The following PLCH1 variants were observed in gnomAD, a reference collection of about 807,000 sequenced individuals.
PLCH1 encodes 1-phosphatidylinositol 4,5-bisphosphate phosphodiesterase eta-1.
In PLCH1, 60 loss-of-function variants were observed where a neutral mutation model predicts 126.7. The observed-to-expected ratio is 0.47, with a 90% CI of 0.38 to 0.59. The LOEUF (loss-of-function observed/expected upper bound fraction) is 0.59. Among genes scored for constraint, PLCH1 ranks in the 20% least tolerant of loss-of-function variants. The pLI, the probability that PLCH1 is intolerant of heterozygous loss-of-function variation, is 0.00. For missense variants in PLCH1, 1,723 were observed against 2,040.0 expected, an observed-to-expected ratio of 0.84 and a Z score of 2.99; for synonymous variants, 719 against 734.9, an observed-to-expected ratio of 0.98 and a Z score of 0.35.
intron 1 of PLCH1, among the ~76,000 whole-genome samples, chr3:155,710,285 C>T (rs1023205491): frequency 1.3e-5 from 2 of 152,078 alleles, no homozygotes; most frequent in South Asian, 4.2e-4. Flanking sequence ...GCACTGCACC[C>T]GGCCTAAGTT....
intron 2 of PLCH1, among the ~76,000 whole-genome samples, chr3:155,613,970 G>A (rs1735466979): frequency 6.6e-6 from 1 of 152,154 alleles, no homozygotes; most frequent in South Asian, 2.1e-4. Context: ...CAAAATCAAT[G>A]TACACAAATC....
intron 10 of PLCH1, 89 bp from the exon 11 acceptor site, chr3:155,524,093 T>TGCTTGG: frequency 1.2e-6 from 1 of 804,672 alleles, no homozygotes; most frequent in Non-Finnish European, 2.1e-6. Flanking sequence ...CATTGATGGA[T>TGCTTGG]GAGAGGATAA....
chr3:155,469,743 T>C (rs1472914242), intron 21 of PLCH1, among the ~76,000 whole-genome samples: 3 of 151,740 alleles, frequency 2.0e-5, no homozygotes, highest in Admixed American at 6.6e-5. Context: ...ACGGGCAGAC[T>C]GCCTCCTCAA....
intron 6 of PLCH1, among the ~76,000 whole-genome samples, chr3:155,570,388 T>C (rs548380249): frequency 6.6e-6 from 1 of 152,320 alleles, no homozygotes; most frequent in Non-Finnish European, 1.5e-5. Flanking sequence ...TCTAACCCTG[T>C]TTCCTATGGA....
intron 1 of PLCH1, among the ~76,000 whole-genome samples, chr3:155,729,094 C>T (rs377569141): frequency 6.6e-6 from 1 of 152,220 alleles, no homozygotes; most frequent in Non-Finnish European, 1.5e-5. Flanking sequence ...TGTCTGCTCA[C>T]GATTCCTTCA....
At chr3:155,633,993 CT>C (rs1738408903) in intron 2 of PLCH1, among the ~76,000 whole-genome samples, 1 of 152,038 alleles carries the variant, frequency 6.6e-6, no homozygotes, top group Non-Finnish European at 1.5e-5. Context: ...GTATTATAGG[CT>C]GCAATCCACG....
chr3:155,586,284 C>G, intron 4 of PLCH1, 90 bp from the exon 5 acceptor site: 2 of 1,338,420 alleles, frequency 1.5e-6, no homozygotes, highest in Non-Finnish European at 2.1e-6. Flanking sequence ...TTATCAGTAA[C>G]ACAGAACTTG....
At chr3:155,460,787 AAGATAGATAGAT>A (rs142518324) in intron 21 of PLCH1, among the ~76,000 whole-genome samples, 10,058 of 146,420 alleles carry the variant, frequency 0.069, 372 homozygotes, top group South Asian at 0.091. Context: ...ATAGATATAG[AAGATAGATAGAT>A]AGATAGATAG....
chr3:155,514,730 A>G lies in PLCH1; in HGVS notation c.1625T>C (p.Leu542Pro), dbSNP rs1028598944. Residue 542 changes from leucine to proline, a missense_variant, in exon 12 of 23, where the codon CTG becomes CCG. Transcript: ENST00000460012. ...KATHEGLNAH[L>P]KQSPDVKESG... ...CAAGAGGGAATCAGATACCTGCTTC[A>G]GGTGTGCATTTAAGCCTTCATGCGT... 6.4e-7 allele frequency: 1 copy of G among 1,558,942 alleles called. No individual in the cohort carries two copies. Among genetic ancestry groups the G allele is most frequent in the South Asian group, 1.2e-5 (1 of 82,620 alleles).
At chr3:155,518,780 C>A (rs576489496) in intron 11 of PLCH1, among the ~76,000 whole-genome samples, 2 of 152,156 alleles carry the variant, frequency 1.3e-5, no homozygotes, top group African/African-American at 4.8e-5. Flanking sequence ...TCCAGTATCA[C>A]ACAGAATGCT....
intron 2 of PLCH1, among the ~76,000 whole-genome samples, chr3:155,673,264 G>A (rs1422624524): frequency 6.6e-6 from 1 of 151,858 alleles, no homozygotes; most frequent in African/African-American, 2.4e-5. Context: ...CCACTGGAAT[G>A]TTCCTCTATT....
intron 2 of PLCH1, among the ~76,000 whole-genome samples, chr3:155,627,576 G>A (rs1179451459): frequency 2.0e-5 from 3 of 151,670 alleles, no homozygotes; most frequent in African/African-American, 7.2e-5. Context: ...AGAGCTTGCA[G>A]TGAGCCGAGA....
chr3:155,497,464 G>C, intron 14 of PLCH1, 47 bp from the exon 15 acceptor site: 1 of 1,335,908 alleles, frequency 7.5e-7, no homozygotes, highest in Non-Finnish European at 1.1e-6. Flanking sequence ...AGTTGAAAGA[G>C]GTTTGGGTTC....
intron 8 of PLCH1, among the ~76,000 whole-genome samples, chr3:155,563,679 C>G (rs978090884): frequency 2.0e-5 from 3 of 151,768 alleles, no homozygotes; most frequent in African/African-American, 7.3e-5. Context: ...CACTGTTGCC[C>G]AAATAATCTT....
intron 6 of PLCH1, among the ~76,000 whole-genome samples, chr3:155,580,180 A>G (rs1730486916): frequency 6.6e-6 from 1 of 152,198 alleles, no homozygotes; most frequent in Admixed American, 6.5e-5. Flanking sequence ...TTAATTATAA[A>G]CTGAAACAAA....
At chr3:155,588,580 T>G (rs1232020595) in intron 4 of PLCH1, among the ~76,000 whole-genome samples, 1 of 152,214 alleles carries the variant, frequency 6.6e-6, no homozygotes, top group African/African-American at 2.4e-5. Flanking sequence ...TCTCAAAGTC[T>G]TCTCCAGAGA....
intron 2 of PLCH1, among the ~76,000 whole-genome samples, chr3:155,637,035 CA>C (rs1191561778): frequency 6.6e-6 from 1 of 152,048 alleles, no homozygotes; most frequent in Non-Finnish European, 1.5e-5. Context: ...ATTGGAACAA[CA>C]ACAAAACAGT....
intron 1 of PLCH1, among the ~76,000 whole-genome samples, chr3:155,706,487 G>A (rs1746681435): frequency 1.3e-5 from 2 of 151,862 alleles, no homozygotes; most frequent in South Asian, 4.2e-4. Context: ...GGGCATGGTG[G>A]CACACACCTA....
chr3:155,496,816 G>A (rs1392305646), intron 15 of PLCH1, among the ~76,000 whole-genome samples: 5 of 152,282 alleles, frequency 3.3e-5, no homozygotes, highest in Admixed American at 1.3e-4. Flanking sequence ...AAACAGTGAC[G>A]GAGAGAATGC....
Sources: gnomAD v4.1 joint callset for allele counts (sites outside exome capture counted in the v4.1 genomes callset) on GRCh38, gnomAD v4.1.1 for gene constraint, MANE v1.5 for transcripts, NCBI Gene and HGNC (gene_info 2026-07-23, HGNC 2026-07-21) for gene names.